Variants in AVEN observed in about 807,000 individuals in gnomAD.
AVEN encodes the protein apoptosis and caspase activation inhibitor.
A neutral mutation model predicts 38.1 loss-of-function variants in AVEN; 41 were observed. The observed-to-expected ratio is 1.08, with a 90% CI of 0.84 to 1.40. The LOEUF is 1.40. Ranked by LOEUF, AVEN falls within the 40% of genes most tolerant of loss-of-function variation. The pLI, the probability that AVEN is intolerant of heterozygous loss-of-function variation, is 0.00. For missense variants in AVEN, 605 were observed against 438.8 expected, an observed-to-expected ratio of 1.38 and a Z score of -3.38; for synonymous variants, 206 against 171.8, an observed-to-expected ratio of 1.20 and a Z score of -1.56.
At chr15:33,866,800 ATTACTTTCC>A in intron 5 of AVEN, 72 bp from the exon 6 acceptor site, 1 of 1,077,232 alleles carries the variant, frequency 9.3e-7, no homozygotes, top group South Asian at 1.4e-5. Flanking sequence ...AGCCCAATTT[ATTACTTTCC>A]TTACAACAAG....
intron 4 of AVEN, among the ~76,000 whole-genome samples, chr15:33,869,260 G>C (rs138404562): frequency 1.3e-5 from 2 of 152,258 alleles, no homozygotes; most frequent in East Asian, 1.9e-4. Context: ...GTGCAAACAA[G>C]GTAGAGAATA....
intron 2 of AVEN, among the ~76,000 whole-genome samples, chr15:33,949,397 A>G (rs903833414): frequency 6.6e-6 from 1 of 152,210 alleles, no homozygotes; most frequent in East Asian, 1.9e-4. Flanking sequence ...AAATATCTAT[A>G]AGATTTGGGA....
chr15:34,042,493 C>T (rs1251954261), upstream of AVEN, among the ~76,000 whole-genome samples: 1 of 151,154 alleles, frequency 6.6e-6, no homozygotes, highest in Non-Finnish European at 1.5e-5. Context: ...CTCTGCCTCC[C>T]AGGTTCAAGC....
intron 2 of AVEN, among the ~76,000 whole-genome samples, chr15:33,967,569 T>C (rs1237580076): frequency 5.3e-5 from 8 of 152,078 alleles, no homozygotes; most frequent in African/African-American, 1.9e-4. Context: ...GTATTATTTT[T>C]CAGAGTTTTG....
At chr15:34,062,710 G>A (rs1465715191) in intron 5 of AVEN, 1 of 1,595,938 alleles carries the variant, frequency 6.3e-7, no homozygotes, top group African/African-American at 1.3e-5. Context: ...TAAAATTTTT[G>A]CACCAGGATG....
At chr15:33,898,168 A>G (rs894003501) in intron 2 of AVEN, among the ~76,000 whole-genome samples, 2 of 152,186 alleles carry the variant, frequency 1.3e-5, no homozygotes, top group African/African-American at 4.8e-5. Flanking sequence ...CAGCCTGGGC[A>G]ACAGTGCGAG....
At chr15:34,021,820 A>G (rs1332338336) in intron 1 of AVEN, among the ~76,000 whole-genome samples, 8 of 152,154 alleles carry the variant, frequency 5.3e-5, no homozygotes, top group Non-Finnish European at 1.5e-5. Flanking sequence ...GCGCCACTGC[A>G]CTCCAGCCTG....
At chr15:34,025,964 T>C (rs1898449620) in intron 1 of AVEN, among the ~76,000 whole-genome samples, 1 of 152,204 alleles carries the variant, frequency 6.6e-6, no homozygotes, top group Non-Finnish European at 1.5e-5. Flanking sequence ...GTCTTCCCTA[T>C]TTTTATAATC....
intron 2 of AVEN, among the ~76,000 whole-genome samples, chr15:33,952,647 T>C (rs538095421): frequency 1.3e-5 from 2 of 152,276 alleles, no homozygotes; most frequent in Admixed American, 6.5e-5. Flanking sequence ...TTTTTTGTAA[T>C]AACTACACAA....
At chr15:33,971,209 G>A (rs1230563997) in intron 2 of AVEN, among the ~76,000 whole-genome samples, 1 of 152,024 alleles carries the variant, frequency 6.6e-6, no homozygotes, top group Non-Finnish European at 1.5e-5. Context: ...CAATTAAAGA[G>A]ATTCTGAACA....
At chr15:33,960,118 T>A (rs1018182329) in intron 2 of AVEN, among the ~76,000 whole-genome samples, 6 of 152,192 alleles carry the variant, frequency 3.9e-5, no homozygotes, top group African/African-American at 1.4e-4. Flanking sequence ...AGGTTTCTTT[T>A]AGAAATAAAA....
intron 2 of AVEN, among the ~76,000 whole-genome samples, chr15:33,945,647 G>A (rs1015126515): frequency 3.9e-5 from 6 of 152,064 alleles, no homozygotes; most frequent in South Asian, 2.1e-4. Context: ...GTGCAGTCGC[G>A]CAATCTCAGC....
At chr15:33,865,049 G>C (rs550919485), downstream of AVEN, 218 of 991,704 alleles carry the variant, frequency 2.2e-4, no homozygotes, top group Non-Finnish European at 3.3e-4. Context: ...TTCCTAAAGG[G>C]AGCCACAAAG....
At chr15:34,042,036 G>A (rs547176005), upstream of AVEN, among the ~76,000 whole-genome samples, 53 of 152,100 alleles carry the variant, frequency 3.5e-4, no homozygotes, top group Non-Finnish European at 6.0e-4. Flanking sequence ...CCTAATTAGC[G>A]GACACAACTA....
intron 2 of AVEN, among the ~76,000 whole-genome samples, chr15:33,974,576 G>T (rs951448532): frequency 2.0e-5 from 3 of 152,152 alleles, no homozygotes; most frequent in Admixed American, 2.0e-4. Context: ...TGTGTGTTGG[G>T]GTGGGGGCAG....
chr15:33,860,474 C>G (rs1444913200), intron 11 of AVEN: 3 of 561,322 alleles, frequency 5.3e-6, no homozygotes, highest in East Asian at 3.0e-5. Flanking sequence ...TATTATTTTT[C>G]TAATTTTGCT....
chr15:33,900,562 C>T (rs1359464648), intron 2 of AVEN, among the ~76,000 whole-genome samples: 3 of 151,904 alleles, frequency 2.0e-5, no homozygotes, highest in Non-Finnish European at 4.4e-5. Context: ...CCACCTCAGC[C>T]TCTCAAAGTG....
downstream of AVEN, chr15:33,865,059 G>A (rs964901364): frequency 1.7e-6 from 2 of 1,208,324 alleles, no homozygotes; most frequent in Admixed American, 1.8e-5. Context: ...GAGCCACAAA[G>A]AACAAAAACA....
intron 4 of AVEN, among the ~76,000 whole-genome samples, chr15:33,870,587 T>A (rs1421409100): frequency 6.6e-6 from 1 of 152,176 alleles, no homozygotes; most frequent in African/African-American, 2.4e-5. Flanking sequence ...TAGATTAAGT[T>A]CCAGAAAGGC....
Sources: gnomAD v4.1 joint callset for allele counts (sites outside exome capture counted in the v4.1 genomes callset) on GRCh38, gnomAD v4.1.1 for gene constraint, MANE v1.5 for transcripts, NCBI Gene and HGNC (gene_info 2026-07-23, HGNC 2026-07-21) for gene names.